CTNNA3: variants seen among roughly 807,000 people sequenced by gnomAD.
CTNNA3 encodes catenin alpha-3.
Under a neutral mutation model 95.7 loss-of-function variants are expected in CTNNA3, and 76 were observed. The ratio of observed to expected loss-of-function variants is 0.79; its 90% confidence interval spans 0.66 to 0.96. The LOEUF is 0.96. Among genes scored for constraint, CTNNA3 ranks in the 40% least tolerant of loss-of-function variants. The pLI is 0.00. For missense variants in CTNNA3, 1,191 were observed against 1,089.8 expected (o/e 1.09, Z -1.31); for synonymous variants, 431 against 374.4 (o/e 1.15, Z -1.74).
chr10:67,015,114 A>C (rs1227714170), intron 7 of CTNNA3, among the ~76,000 whole-genome samples: 1 of 152,160 alleles, frequency 6.6e-6, no homozygotes, highest in African/African-American at 2.4e-5. Context: ...GGTAGTAGCT[A>C]TTAACCCCAT....
intron 3 of CTNNA3, among the ~76,000 whole-genome samples, chr10:67,547,055 G>A (rs1229032493): frequency 6.6e-6 from 1 of 152,054 alleles, no homozygotes; most frequent in African/African-American, 2.4e-5. Context: ...GCACTATGGG[G>A]TATACAACAA....
chr10:66,443,753 A>C (rs957327888), intron 11 of CTNNA3, among the ~76,000 whole-genome samples: 1 of 152,110 alleles, frequency 6.6e-6, no homozygotes, highest in Non-Finnish European at 1.5e-5. Flanking sequence ...CAGAAACTCT[A>C]AAAAGCAGAG....
At chr10:65,972,089 G>T (rs1032024497) in intron 16 of CTNNA3, among the ~76,000 whole-genome samples, 1 of 152,036 alleles carries the variant, frequency 6.6e-6, no homozygotes, top group African/African-American at 2.4e-5. Flanking sequence ...TGTGGGAAAA[G>T]CTTTTGATAA....
intron 12 of CTNNA3, among the ~76,000 whole-genome samples, chr10:66,377,296 A>C (rs754208674): frequency 4.6e-5 from 7 of 152,110 alleles, no homozygotes; most frequent in Non-Finnish European, 8.8e-5. Flanking sequence ...ATAGGACATA[A>C]TTTATCTAGA....
At chr10:67,106,950 G>A (rs1858670765) in intron 7 of CTNNA3, among the ~76,000 whole-genome samples, 1 of 152,090 alleles carries the variant, frequency 6.6e-6, no homozygotes, top group South Asian at 2.1e-4. Flanking sequence ...ATATTCAACA[G>A]AAATAAAATT....
intron 1 of CTNNA3, among the ~76,000 whole-genome samples, chr10:67,719,309 C>A (rs1841164191): frequency 6.6e-6 from 1 of 150,642 alleles, no homozygotes. Flanking sequence ...TTCAGTTCTT[C>A]TCTGATCTTA....
intron 7 of CTNNA3, among the ~76,000 whole-genome samples, chr10:66,777,789 ACACACACATG>A (rs1263850873): frequency 7.9e-6 from 1 of 126,832 alleles, no homozygotes; most frequent in Non-Finnish European, 1.8e-5. Context: ...ACACACACAC[ACACACACATG>A]CACACACACA....
intron 5 of CTNNA3, among the ~76,000 whole-genome samples, chr10:67,422,232 A>G (rs549994133): frequency 1.3e-5 from 2 of 152,190 alleles, no homozygotes; most frequent in Non-Finnish European, 2.9e-5. Flanking sequence ...TATTATATCA[A>G]TGTTAAATTT....
At chr10:67,240,184 T>C (rs534259041) in intron 5 of CTNNA3, among the ~76,000 whole-genome samples, 38 of 152,184 alleles carry the variant, frequency 2.5e-4, no homozygotes, top group African/African-American at 8.2e-4. Flanking sequence ...TAAAAAGAGG[T>C]TTTGTTTGTT....
intron 13 of CTNNA3, among the ~76,000 whole-genome samples, chr10:66,248,449 TAGA>T (rs1182513390): frequency 1.3e-5 from 2 of 149,898 alleles, no homozygotes; most frequent in African/African-American, 4.9e-5. Context: ...AGACATGGAG[TAGA>T]AGAATAGATT....
chr10:67,069,961 A>G (rs1856346067), intron 7 of CTNNA3, among the ~76,000 whole-genome samples: 1 of 152,150 alleles, frequency 6.6e-6, no homozygotes, highest in Non-Finnish European at 1.5e-5. Flanking sequence ...TGGGATATGC[A>G]TTGTAGATGC....
intron 7 of CTNNA3, among the ~76,000 whole-genome samples, chr10:67,088,906 A>G (rs1161356639): frequency 6.6e-6 from 1 of 152,100 alleles, no homozygotes; most frequent in Non-Finnish European, 1.5e-5. Flanking sequence ...TTGAAAATAT[A>G]CAAGAGAAAA....
intron 12 of CTNNA3, among the ~76,000 whole-genome samples, chr10:66,295,602 C>T (rs918697672): frequency 2.6e-5 from 4 of 152,172 alleles, no homozygotes; most frequent in African/African-American, 9.7e-5. Context: ...AAACAGAAAT[C>T]AGGACACCAT....
chr10:66,350,648 A>G (rs776926062), intron 12 of CTNNA3, among the ~76,000 whole-genome samples: 3 of 151,836 alleles, frequency 2.0e-5, no homozygotes, highest in African/African-American at 4.8e-5. Flanking sequence ...TGAAGGGTCA[A>G]TTGGGAAAAT....
chr10:66,872,344 T>C (rs1844442177), intron 7 of CTNNA3, among the ~76,000 whole-genome samples: 2 of 152,306 alleles, frequency 1.3e-5, no homozygotes, highest in Admixed American at 6.5e-5. Context: ...ATTGAGATTT[T>C]TCTGATTCTA....
At chr10:66,789,935 A>ATGT (rs1188583945) in intron 7 of CTNNA3, among the ~76,000 whole-genome samples, 3 of 152,148 alleles carry the variant, frequency 2.0e-5, no homozygotes, top group Admixed American at 2.0e-4. Flanking sequence ...AGGATACTGA[A>ATGT]TGTTAGCTCA....
At chr10:66,488,359 A>G (rs1839809755) in intron 11 of CTNNA3, among the ~76,000 whole-genome samples, 1 of 152,220 alleles carries the variant, frequency 6.6e-6, no homozygotes, top group South Asian at 2.1e-4. Context: ...CGATAGTCTA[A>G]CTAATCTATA....
Position 67,010,782 on chromosome 10 carries a change from A to G in CTNNA3, c.1047+169535T>C, listed in dbSNP as rs547501754. On this transcript the variant is annotated intron_variant, in intron 7 of 17. Transcript: ENST00000433211. ...CCCAAATGCTGAACTCCTCCACAGA[A>G]AGGATTTGAGCATATCCATATTTGT... Among the ~76,000 whole-genome samples the G allele has an allele frequency of 5.9e-5, 9 of 152,308 alleles. No individual in the cohort carries two copies. In the South Asian group the frequency reaches 1.9e-3, roughly 32 times the overall value.
intron 1 of CTNNA3, among the ~76,000 whole-genome samples, chr10:67,756,522 G>T (rs890113593): frequency 6.6e-6 from 1 of 152,070 alleles, no homozygotes; most frequent in African/African-American, 2.4e-5. Context: ...AAAGATAAAT[G>T]AAGTAGCAAT....
Sources: gnomAD v4.1 joint callset for allele counts (sites outside exome capture counted in the v4.1 genomes callset) on GRCh38, gnomAD v4.1.1 for gene constraint, MANE v1.5 for transcripts, NCBI Gene and HGNC (gene_info 2026-07-23, HGNC 2026-07-21) for gene names.